The following EML1 variants were observed in gnomAD, a reference collection of about 807,000 sequenced individuals.
EML1 encodes echinoderm microtubule-associated protein-like 1.
In EML1, 27 loss-of-function variants were observed where a neutral mutation model predicts 110.4. The observed-to-expected ratio is 0.24, with a 90% CI of 0.18 to 0.34. EML1 has a LOEUF of 0.34. Ranked by LOEUF, EML1 falls within the 10% of genes least tolerant of loss-of-function variation. EML1 has a pLI of 1.00. For synonymous variants in EML1, 344 were observed against 385.8 expected (o/e 0.89, Z 1.27); for missense variants, 741 against 1,030.9 (o/e 0.72, Z 3.85).
chr14:99,914,444 G>A (rs2059999747), intron 14 of EML1, 122 bp from the exon 15 acceptor site: 3 of 1,527,532 alleles, frequency 2.0e-6, no homozygotes, highest in African/African-American at 2.8e-5. Flanking sequence ...AAAGATGGGA[G>A]GAGAGAAACT....
At chr14:99,840,861 T>A (rs970175290) in intron 1 of EML1, among the ~76,000 whole-genome samples, 1 of 152,220 alleles carries the variant, frequency 6.6e-6, no homozygotes, top group African/African-American at 2.4e-5. Flanking sequence ...GGAAACCCTT[T>A]TGTTCTGTTT....
At position 99,783,643 on chromosome 14, in the gene EML1, CCCG is replaced by C. The variant is rs749759415; in HGVS notation, c.-27+9631_-27+9633del. On this transcript the variant is annotated intron_variant, in intron 1 of 22. Transcript: ENST00000327921. ...GGGACAACAGGTGTGGGCCTCCATG[CCCG>C]GCTAATTTTTGCATTTTTAGTAAAG... 9.9e-3 allele frequency among the ~76,000 whole-genome samples: 1,504 copies of C among 152,164 alleles called. 8 individuals carry two copies. The highest frequency in any genetic ancestry group is 0.015 in the Non-Finnish European group (1,032 of 68,014).
intron 4 of EML1, chr14:99,883,491 A>G (rs972433777): frequency 6.6e-6 from 1 of 150,634 alleles, no homozygotes; most frequent in African/African-American, 2.4e-5. Flanking sequence ...CGATCATACC[A>G]CTGTACTCCG....
At chr14:99,754,732 G>A (rs549449021) in intron 1 of EML1, among the ~76,000 whole-genome samples, 2 of 152,314 alleles carry the variant, frequency 1.3e-5, no homozygotes, top group South Asian at 2.1e-4. Flanking sequence ...ATCTCAGCAC[G>A]TCTCTCAGCC....
At chr14:99,891,633 C>G (rs924167769) in intron 5 of EML1, among the ~76,000 whole-genome samples, 6 of 152,192 alleles carry the variant, frequency 3.9e-5, no homozygotes, top group Admixed American at 1.3e-4. Context: ...AGTTATATAA[C>G]TGTCTAAAAG....
At chr14:99,882,416 A>G (rs1418293152) in intron 4 of EML1, among the ~76,000 whole-genome samples, 1 of 152,246 alleles carries the variant, frequency 6.6e-6, no homozygotes, top group Non-Finnish European at 1.5e-5. Context: ...GGAATGAGCT[A>G]TGTCAGCTCT....
At position 99,939,186 on chromosome 14, in the gene EML1, C is replaced by CT; in HGVS notation, c.2192-8dup. ...GTGTTTCCAGCGCCCTGTTTGTGGT[C>CT]TTTGTTTTAGGAGTGTGGCCAGAAG... On this transcript the variant is annotated splice_polypyrimidine_tract_variant and intron_variant, in intron 20 of 21. Transcript: ENST00000262233. The surrounding 1 kb of genome is among the most constrained non-coding windows in gnomAD (Gnocchi z 4.2). 6.2e-7 allele frequency: 1 copy of CT among 1,613,650 alleles called. No individual in the cohort carries two copies. The highest frequency in any genetic ancestry group is 8.5e-7 in the Non-Finnish European group (1 of 1,179,710).
chr14:99,912,296 C>T (rs1299720819), intron 13 of EML1, among the ~76,000 whole-genome samples: 2 of 152,118 alleles, frequency 1.3e-5, no homozygotes, highest in Non-Finnish European at 2.9e-5. Flanking sequence ...CAATGTGCTC[C>T]CTAGGGCTGT....
At position 99,878,592 on chromosome 14, in the gene EML1, C is replaced by G. The variant is rs748693883; in HGVS notation, c.491C>G (p.Ser164Cys). Residue 164 changes from serine (S) to cysteine (C), a missense_variant, in exon 4 of 22, where the codon TCT becomes TGT. Physicochemically the swap from Ser to Cys is moderately radical, Grantham distance 112. Around this residue, in one of 4 missense-constraint regions of EML1, gnomAD observed 226 missense variants for 255.6 expected, o/e 0.88. Transcript: ENST00000262233. ...AATCGCACAGGCTCCACCAGCAGCTCTTCCAGTGGCAAAAAGAACAGTGAA... is the reference window on the plus strand; with the variant it reads ...AATCGCACAGGCTCCACCAGCAGCTGTTCCAGTGGCAAAAAGAACAGTGAA... Reference protein sequence around the residue: ...NRNRTGSTSSSSSGKKNSESK... With the variant: ...NRNRTGSTSSCSSGKKNSESK... The G allele has an allele frequency of 6.2e-7, 1 of 1,613,872 alleles. No individual in the cohort carries two copies. The highest frequency in any genetic ancestry group is 1.1e-5 in the South Asian group (1 of 91,048).
At chr14:99,924,088 T>C (rs1034410819) in intron 17 of EML1, among the ~76,000 whole-genome samples, 15 of 152,246 alleles carry the variant, frequency 9.9e-5, no homozygotes, top group African/African-American at 3.6e-4. Context: ...GTCTCTCCAT[T>C]TATTTAGGTC....
chr14:99,788,627 T>C (rs2140224886), upstream of EML1, among the ~76,000 whole-genome samples: 1 of 151,914 alleles, frequency 6.6e-6, no homozygotes, highest in Non-Finnish European at 1.5e-5. Context: ...AATATCTCCC[T>C]AATATGTGTG....
chr14:99,793,125 G>T (rs1014468986), upstream of EML1, among the ~76,000 whole-genome samples: 9 of 149,882 alleles, frequency 6.0e-5, no homozygotes, highest in Non-Finnish European at 1.0e-4. Context: ...TGGCCAAGGG[G>T]ACAGCGGGCG....
At chr14:99,824,589 CT>C (rs141257024) in intron 1 of EML1, among the ~76,000 whole-genome samples, 7 of 149,730 alleles carry the variant, frequency 4.7e-5, no homozygotes, top group African/African-American at 9.8e-5. Flanking sequence ...GTGAAAATTT[CT>C]TTTTTTTTTC....
At chr14:99,745,925 G>T (rs2057102434) in intron 1 of EML1, among the ~76,000 whole-genome samples, 1 of 152,198 alleles carries the variant, frequency 6.6e-6, no homozygotes, top group East Asian at 1.9e-4. Context: ...AATTCAGCCA[G>T]CCTTGGGTCT....
intron 17 of EML1, among the ~76,000 whole-genome samples, chr14:99,922,261 G>A (rs1018179449): frequency 4.0e-5 from 6 of 151,784 alleles, no homozygotes; most frequent in Non-Finnish European, 7.4e-5. Context: ...GATTACAGGT[G>A]CATGCCACCA....
At chr14:99,899,901 G>A (rs2059732856) in intron 8 of EML1, among the ~76,000 whole-genome samples, 1 of 152,032 alleles carries the variant, frequency 6.6e-6, no homozygotes, top group Admixed American at 6.5e-5. Flanking sequence ...ATCCAGAGAG[G>A]CCTAGTGAAT....
At chr14:99,824,328 G>A (rs1437977169) in intron 1 of EML1, among the ~76,000 whole-genome samples, 6 of 152,124 alleles carry the variant, frequency 3.9e-5, no homozygotes, top group Admixed American at 3.3e-4. Context: ...TTTCCTCTGT[G>A]TCTTATTTAT....
intron 1 of EML1, among the ~76,000 whole-genome samples, chr14:99,754,163 G>A (rs1404903650): frequency 4.6e-5 from 7 of 152,258 alleles, no homozygotes; most frequent in South Asian, 2.1e-4. Flanking sequence ...GGACACAGAC[G>A]TTGCTGGCCT....
intron 8 of EML1, among the ~76,000 whole-genome samples, chr14:99,899,833 C>T (rs576427197): frequency 2.0e-5 from 3 of 151,928 alleles, no homozygotes; most frequent in South Asian, 2.1e-4. Flanking sequence ...GAAATTGAAT[C>T]GGTACTTTAG....
Sources: gnomAD v4.1 joint callset for allele counts (sites outside exome capture counted in the v4.1 genomes callset) on GRCh38, gnomAD v4.1.1 for gene constraint, gnomAD v4.1.1 regional missense constraint, Gnocchi (gnomAD v3.1) non-coding constraint, MANE v1.5 for transcripts, NCBI Gene and HGNC (gene_info 2026-07-23, HGNC 2026-07-21) for gene names.